Variants in SLC19A3 observed in about 807,000 individuals in gnomAD.
SLC19A3 encodes the protein thiamine transporter 2.
In SLC19A3, 31 loss-of-function variants were observed where a neutral mutation model predicts 40.2. The ratio of observed to expected loss-of-function variants is 0.77; its 90% CI spans 0.58 to 1.04. The LOEUF (loss-of-function observed/expected upper bound fraction) is 1.04, where lower values mean the gene tolerates loss of function less well. SLC19A3 is among the 50% of genes least tolerant of loss of function. The pLI is 0.00. For synonymous variants in SLC19A3, 212 were observed against 227.5 expected (o/e 0.93, Z 0.61); for missense variants, 592 against 596.7 (o/e 0.99, Z 0.08).
chr2:227,703,418 C>T lies in SLC19A3; in HGVS notation c.-2-1098G>A, dbSNP rs1695790499. On this transcript the variant is annotated intron_variant, in intron 1 of 5. Coordinates refer to ENST00000644224, the MANE Select transcript of SLC19A3 (RefSeq NM_025243.4). This position sits in a 1 kb window ranked among gnomAD's most constrained non-coding sequence, Gnocchi z 4.7. ...TCACCCTACCCTTTCCCAAGGTGAC[C>T]CCGACAGCTGCATAATTCCTCTCTT... Among the ~76,000 whole-genome samples, 1 of 152,070 alleles carries T rather than the reference C, an allele frequency of 6.6e-6. No individual in the cohort carries two copies. The highest frequency in any genetic ancestry group is 6.6e-5 in the Admixed American group (1 of 15,264).
intron 1 of SLC19A3, chr2:227,706,722 G>C (rs1226637324): frequency 1.3e-5 from 2 of 159,568 alleles, no homozygotes; most frequent in East Asian, 3.5e-4. Context: ...AGTGAGTGGA[G>C]ATCATGCCAC....
chr2:227,695,902 T>C lies in SLC19A3; in HGVS notation c.1159A>G (p.Ile387Val). Reference protein sequence around the residue: ...LIFKSSYMLLITIAVFQIAVN... With the variant: ...LIFKSSYMLLVTIAVFQIAVN... ...GGTAAAACTTACACTGCTATGGTTA[T>C]AAGAAGCATATAGCTGGACTTGAAT... Residue 387 changes from isoleucine to valine, a missense_variant, in exon 4 of 6, where the codon ATA becomes GTA. Physicochemically the swap from Ile to Val is conservative, Grantham distance 29. Transcript: ENST00000644224. The C allele has an allele frequency of 6.2e-7, 1 of 1,614,130 alleles. No individual in the cohort carries two copies. The highest frequency in any genetic ancestry group is 8.5e-7 in the Non-Finnish European group (1 of 1,180,044).
chr2:227,687,699 A>T (rs892273867), intron 5 of SLC19A3, 126 bp from the exon 6 acceptor site: 2 of 883,050 alleles, frequency 2.3e-6, no homozygotes, highest in Non-Finnish European at 3.6e-6. Context: ...AATATGGGTC[A>T]TTTAGGTTGA....
At chr2:227,693,672 T>C (rs1274342214) in intron 4 of SLC19A3, among the ~76,000 whole-genome samples, 1 of 152,140 alleles carries the variant, frequency 6.6e-6, no homozygotes, top group Non-Finnish European at 1.5e-5. Flanking sequence ...TCTGGGACGT[T>C]GGAGTGGGCA....
At chr2:227,713,875 C>A (rs1037732928) in intron 1 of SLC19A3, among the ~76,000 whole-genome samples, 46 of 151,834 alleles carry the variant, frequency 3.0e-4, no homozygotes, top group Non-Finnish European at 6.2e-4. Context: ...GTACAAGAAT[C>A]CAGATACAAA....
At chr2:227,688,759 C>T (rs944791587) in intron 4 of SLC19A3, among the ~76,000 whole-genome samples, 1 of 152,080 alleles carries the variant, frequency 6.6e-6, no homozygotes, top group African/African-American at 2.4e-5. Context: ...TCCAGGAAAA[C>T]GTTCTCACCA....
At chr2:227,706,595 AC>A (rs1449151835) in intron 1 of SLC19A3, 1 of 444,894 alleles carries the variant, frequency 2.2e-6, no homozygotes. Flanking sequence ...ACAGAGTGAA[AC>A]CCCATCTCTA....
rs565386478 is a variant in SLC19A3 at position 227,696,242 on chromosome 2, C to G, written c.980-161G>C. On this transcript the variant is annotated intron_variant, in intron 3 of 5. Coordinates refer to ENST00000644224, the MANE Select transcript of SLC19A3 (RefSeq NM_025243.4). ...CCTGAATGTGGATCTATCCTTTTCT[C>G]AAGCGTGTCTTCTTTTGGCTTTTCT... 7.9e-5 allele frequency among the ~76,000 whole-genome samples: 12 copies of G among 152,350 alleles called. No individual in the cohort carries two copies. The South Asian group carries it at 2.5e-3, about 32-fold the overall frequency.
chr2:227,687,829 A>G (rs758264055), intron 5 of SLC19A3, among the ~76,000 whole-genome samples: 20 of 152,156 alleles, frequency 1.3e-4, no homozygotes, highest in Non-Finnish European at 2.6e-4. Context: ...TACTATCATC[A>G]ATAGTAAAAA....
At position 227,714,899 on chromosome 2, in the gene SLC19A3, A is replaced by G. The variant is rs571386147; in HGVS notation, c.-3+3044T>C. On this transcript the variant is annotated intron_variant, in intron 1 of 5. Coordinates refer to ENST00000644224, the MANE Select transcript of SLC19A3 (RefSeq NM_025243.4). The stretch of plus-strand genomic sequence containing the variant: ...GTGGCACAATCTCCCCACTCACCGC[A>G]ACCACTGCCTCCTGGGTTCAAGCGA... 3.7e-4 allele frequency among the ~76,000 whole-genome samples: 52 copies of G among 142,250 alleles called. No individual in the cohort carries two copies. In the South Asian group the frequency reaches 0.011, roughly 30 times the overall value. 93.3% of individuals were successfully genotyped at this position (142,250 alleles called of 152,430 possible).
intron 1 of SLC19A3, among the ~76,000 whole-genome samples, chr2:227,704,022 G>A (rs1227003439): frequency 6.6e-6 from 1 of 152,142 alleles, no homozygotes; most frequent in Non-Finnish European, 1.5e-5. Context: ...TAAAGTACAA[G>A]CCCAGGAGGG....
rs1695595098 is a variant in SLC19A3 at position 227,699,570 on chromosome 2, A to G, written c.151-6T>C. On this transcript the variant is annotated splice_region_variant and splice_polypyrimidine_tract_variant and intron_variant, in intron 2 of 5. Transcript: ENST00000644224. ...GGGAAGATCTCATTTGTTATCTGCA[A>G]AGTTGGTAAATTGCATGACCACGAA... 3 of 1,613,480 alleles carry G rather than the reference A, an allele frequency of 1.9e-6. No homozygotes were observed. Among genetic ancestry groups the G allele is most frequent in the Admixed American group, 1.7e-5 (1 of 59,998 alleles).
intron 4 of SLC19A3, 107 bp from the exon 5 acceptor site, chr2:227,688,414 C>A: frequency 1.0e-6 from 1 of 957,668 alleles, no homozygotes. Flanking sequence ...CCACCTCCAG[C>A]TCCAGGTAGT....
chr2:227,717,362 G>A (rs999920369), intron 1 of SLC19A3, among the ~76,000 whole-genome samples: 1 of 152,134 alleles, frequency 6.6e-6, no homozygotes, highest in African/African-American at 2.4e-5. Flanking sequence ...CACTCCGAAA[G>A]TCCCAACCTT....
chr2:227,704,842 G>A (rs1695865148), intron 1 of SLC19A3, among the ~76,000 whole-genome samples: 1 of 151,870 alleles, frequency 6.6e-6, no homozygotes, highest in Admixed American at 6.6e-5. Flanking sequence ...TTTTCATATT[G>A]TGGTGTCAAG....
chr2:227,713,254 A>AT (rs34003281), intron 1 of SLC19A3, among the ~76,000 whole-genome samples: 147,746 of 151,960 alleles, frequency 0.97, 71,967 homozygotes, highest in East Asian at 1. Flanking sequence ...AATTAAGTAA[A>AT]TGACTGGGCA....
rs13025803 is a variant in SLC19A3 at position 227,687,993 on chromosome 2, C to T, written c.1314+173G>A. Among the ~76,000 whole-genome samples the T allele has an allele frequency of 0.36, 53,998 of 152,000 alleles. 10,512 individuals carry two copies. Among genetic ancestry groups the T allele is most frequent in the Non-Finnish European group, 0.44 (30,155 of 67,948 alleles). On this transcript the variant is annotated intron_variant, in intron 5 of 5. Coordinates refer to ENST00000644224, the MANE Select transcript of SLC19A3 (RefSeq NM_025243.4). ...CCTGCCTTATCCATGTAAATGTTGT[C>T]CTAGTTGCAATTATTGCTCAAAACC...
chr2:227,684,788 G>A lies in SLC19A3; in HGVS notation c.*2609C>T, dbSNP rs1038846555. The A allele has an allele frequency of 2.0e-5, 3 of 152,046 alleles. No homozygotes were observed. The highest frequency in any genetic ancestry group is 1.9e-4 in the East Asian group (1 of 5,144). The allele number at this position is 152,046 out of a possible 1,614,324, so 9.4% of individuals were successfully genotyped here. Reference sequence around the variant, plus strand: ...ACCTGAGACCAGGAGTTTGAAACCAGCCTGACCAACATGGTGAAACCCCGT... The same window carrying A: ...ACCTGAGACCAGGAGTTTGAAACCAACCTGACCAACATGGTGAAACCCCGT... On this transcript the variant is annotated 3_prime_UTR_variant, in exon 6 of 6. Transcript: ENST00000644224.
chr2:227,696,803 C>A (rs1486333706), intron 3 of SLC19A3, among the ~76,000 whole-genome samples: 1 of 152,130 alleles, frequency 6.6e-6, no homozygotes, highest in Non-Finnish European at 1.5e-5. Context: ...CAGTGGCGCA[C>A]TCCTGTAATC....
Sources: gnomAD v4.1 joint callset for allele counts (sites outside exome capture counted in the v4.1 genomes callset) on GRCh38, gnomAD v4.1.1 for gene constraint, Gnocchi (gnomAD v3.1) non-coding constraint, MANE v1.5 for transcripts, NCBI Gene and HGNC (gene_info 2026-07-23, HGNC 2026-07-21) for gene names.